Variants in CDK5RAP1 observed in about 807,000 individuals in gnomAD.
CDK5RAP1 encodes the protein mitochondrial tRNA methylthiotransferase CDK5RAP1.
A neutral mutation model predicts 64.5 loss-of-function variants in CDK5RAP1; 62 were observed. The ratio of observed to expected loss-of-function variants is 0.96; its 90% CI spans 0.78 to 1.19. CDK5RAP1 has a LOEUF of 1.19. Among genes scored for constraint, CDK5RAP1 ranks in the 50% most tolerant of loss-of-function variants. CDK5RAP1 has a pLI of 0.00. For missense variants in CDK5RAP1, 657 were observed against 735.0 expected, an observed-to-expected ratio of 0.89 and a Z score of 1.23; for synonymous variants, 250 against 261.9, an observed-to-expected ratio of 0.95 and a Z score of 0.44.
chr20:33,400,774 C>T (rs773206971), intron 1 of CDK5RAP1, among the ~76,000 whole-genome samples: 1 of 152,004 alleles, frequency 6.6e-6, no homozygotes, highest in Non-Finnish European at 1.5e-5. Context: ...GAGATCGCGT[C>T]ACTGCACTCC....
At chr20:33,397,652 A>G (rs887407236) in intron 1 of CDK5RAP1, among the ~76,000 whole-genome samples, 3 of 152,212 alleles carry the variant, frequency 2.0e-5, no homozygotes, top group African/African-American at 4.8e-5. Context: ...AAGGAAAGCA[A>G]CTAATGTGAG....
chr20:33,396,224 C>T (rs920303867), intron 2 of CDK5RAP1, among the ~76,000 whole-genome samples: 5 of 152,090 alleles, frequency 3.3e-5, no homozygotes, highest in Non-Finnish European at 5.9e-5. Context: ...GAAAGCAAGG[C>T]TATATTATGA....
intron 5 of CDK5RAP1, among the ~76,000 whole-genome samples, chr20:33,387,841 C>T (rs547091180): frequency 1.3e-5 from 2 of 152,116 alleles, no homozygotes; most frequent in East Asian, 1.9e-4. Context: ...CCGAGGCAGG[C>T]GGATCACCTG....
intron 5 of CDK5RAP1, among the ~76,000 whole-genome samples, chr20:33,390,637 C>T (rs894173475): frequency 2.6e-5 from 4 of 152,060 alleles, no homozygotes; most frequent in Non-Finnish European, 5.9e-5. Context: ...TATTTTACTA[C>T]AGTTTTTTAA....
At chr20:33,400,460 C>G (rs368894595) in intron 1 of CDK5RAP1, among the ~76,000 whole-genome samples, 1 of 152,198 alleles carries the variant, frequency 6.6e-6, no homozygotes, top group Non-Finnish European at 1.5e-5. Context: ...AAATTTCTGT[C>G]TCTGAGCCGC....
In CDK5RAP1 at chr20:33,387,412, C is replaced by T. The variant is rs1259391607; in HGVS notation, c.666G>A (p.Gln222=). 6.2e-7 allele frequency: 1 copy of T among 1,614,184 alleles called. No homozygotes were observed. ...PRLLAVAESG[Q]QAANVLLSLD... ...GAGAGAGCAGCACGTTGGCAGCTTGCTGGCCCGACTCAGCAACAGCCAGCA... is the reference window on the plus strand; with the variant it reads ...GAGAGAGCAGCACGTTGGCAGCTTGTTGGCCCGACTCAGCAACAGCCAGCA... The change falls in exon 6 of 14, where the codon CAG becomes CAA. Residue 222 remains glutamine (Q), a synonymous_variant. Coordinates refer to ENST00000346416, the MANE Select transcript of CDK5RAP1 (RefSeq NM_016408.4).
intron 1 of CDK5RAP1, among the ~76,000 whole-genome samples, chr20:33,400,001 G>A (rs1471261048): frequency 2.0e-5 from 3 of 152,124 alleles, no homozygotes; most frequent in South Asian, 2.1e-4. Flanking sequence ...CTGAGATTGC[G>A]CCACCACACT....
chr20:33,367,349 T>G (rs1984180962), intron 11 of CDK5RAP1, among the ~76,000 whole-genome samples: 1 of 152,228 alleles, frequency 6.6e-6, no homozygotes, highest in Non-Finnish European at 1.5e-5. Context: ...AGACATAAGA[T>G]GCAATGCAGC....
intron 8 of CDK5RAP1, among the ~76,000 whole-genome samples, chr20:33,377,592 C>T (rs756852617): frequency 1.3e-5 from 2 of 152,212 alleles, no homozygotes; most frequent in Non-Finnish European, 2.9e-5. Flanking sequence ...CTCCAGATCA[C>T]TAAAGCTTTC....
Position 33,359,114 on chromosome 20 carries a change from C to A in CDK5RAP1, c.1693G>T (p.Ala565Ser), listed in dbSNP as rs947313444. 5 of 1,613,344 alleles carry A rather than the reference C, an allele frequency of 3.1e-6. No individual in the cohort carries two copies. Among genetic ancestry groups the A allele is most frequent in the Non-Finnish European group, 3.4e-6 (4 of 1,179,426 alleles). Residue 565 changes from alanine to serine, a missense_variant, in exon 14 of 14, where the codon GCC (alanine) becomes TCC (serine). Transcript: ENST00000346416. ...TGTCCCCTAAGTGTCTGAGAACTGG[C>A]TGAGGTGATCTGAAAGAAAACCAGG... ...GDYVLVKITS[A>S]SSQTLRGHVL...
At chr20:33,385,475 G>A in intron 7 of CDK5RAP1, 175 bp downstream of exon 7, 1 of 623,642 alleles carries the variant, frequency 1.6e-6, no homozygotes, top group Non-Finnish European at 2.7e-6. Context: ...CCTCCATAGT[G>A]GAGCTCTGTA....
At chr20:33,388,828 T>C (rs1287340344) in intron 5 of CDK5RAP1, among the ~76,000 whole-genome samples, 4 of 152,124 alleles carry the variant, frequency 2.6e-5, no homozygotes, top group Non-Finnish European at 5.9e-5. Flanking sequence ...GGTTTCGCTG[T>C]GTTGGCCGGG....
chr20:33,374,666 C>T (rs1194841618), intron 8 of CDK5RAP1, among the ~76,000 whole-genome samples: 1 of 151,610 alleles, frequency 6.6e-6, no homozygotes, highest in East Asian at 2.0e-4. Flanking sequence ...TGGGTTCAAG[C>T]GATTCTCCTG....
chr20:33,396,662 T>C, intron 2 of CDK5RAP1, 99 bp downstream of exon 2: 1 of 911,514 alleles, frequency 1.1e-6, no homozygotes, highest in South Asian at 1.6e-5. Flanking sequence ...TCCCACACTG[T>C]TAACCTTCCA....
rs200754659 is a variant in CDK5RAP1, at chr20:33,382,478, C to G, written c.877-2787G>C. On this transcript the variant is annotated intron_variant, in intron 7 of 13. Transcript: ENST00000346416. ...GGTAGATCACCTGAGGTCAGGAGTT[C>G]GAGACCAGCCTGCCCAACATGGTGA... 3.2e-4 allele frequency among the ~76,000 whole-genome samples: 49 copies of G among 151,462 alleles called. No individual in the cohort carries two copies. The East Asian group carries it at 9.5e-3, about 29-fold the overall frequency.
intron 2 of CDK5RAP1, among the ~76,000 whole-genome samples, chr20:33,395,795 T>C (rs1600811901): frequency 6.6e-6 from 1 of 152,064 alleles, no homozygotes; most frequent in African/African-American, 2.4e-5. Flanking sequence ...GGCAGATCAC[T>C]TGAGGTCAGG....
chr20:33,386,776 A>T (rs1013313179), intron 6 of CDK5RAP1, among the ~76,000 whole-genome samples: 5 of 23,300 alleles, frequency 2.1e-4, no homozygotes, highest in Admixed American at 7.7e-4. Flanking sequence ...ACTTTTCTGT[A>T]AAAAAAAAAA....
In CDK5RAP1 at chr20:33,367,014, A is replaced by T; in HGVS notation, c.1393-6T>A. ...CTATGATATGCCCGTGTCTTCTATT[A>T]AAAAAAAAAAAAAGAGAGAAGATGG... On this transcript the variant is annotated splice_polypyrimidine_tract_variant and splice_region_variant and intron_variant, in intron 11 of 13. Transcript: ENST00000346416. 5.1e-6 allele frequency: 1 copy of T among 194,622 alleles called. No homozygotes were observed. Among genetic ancestry groups the T allele is most frequent in the South Asian group, 1.5e-4 (1 of 6,802 alleles). 12.1% of individuals were successfully genotyped at this position (194,622 alleles called of 1,614,324 possible).
intron 1 of CDK5RAP1, 30 bp downstream of exon 1, chr20:33,401,398 G>A (rs1023716212): frequency 1.0e-6 from 1 of 985,424 alleles, no homozygotes. Context: ...AAGCGGGTGC[G>A]CAGCCCACCC....
Sources: gnomAD v4.1 joint callset for allele counts (sites outside exome capture counted in the v4.1 genomes callset) on GRCh38, gnomAD v4.1.1 for gene constraint, MANE v1.5 for transcripts, NCBI Gene and HGNC (gene_info 2026-07-23, HGNC 2026-07-21) for gene names.